Variants in MPP4 observed in about 807,000 individuals in gnomAD.
MPP4 encodes the protein MAGUK p55 scaffold protein 4, also known as MAGUK p55 subfamily member 4.
A neutral mutation model predicts 98.3 loss-of-function variants in MPP4; 91 were observed. The ratio of observed to expected loss-of-function variants is 0.93; its 90% confidence interval spans 0.78 to 1.10. The LOEUF (loss-of-function observed/expected upper bound fraction) is 1.10, where lower values mean the gene tolerates loss of function less well. Among genes scored for constraint, MPP4 ranks in the 50% least tolerant of loss-of-function variants. The pLI is 0.00. For missense variants in MPP4, 744 were observed against 792.9 expected (o/e 0.94, Z 0.74); for synonymous variants, 261 against 271.8 (o/e 0.96, Z 0.39).
At chr2:201,696,743 T>C (rs546357357) in intron 1 of MPP4, among the ~76,000 whole-genome samples, 1 of 152,326 alleles carries the variant, frequency 6.6e-6, no homozygotes, top group African/African-American at 2.4e-5. Context: ...TTAAAATAGC[T>C]TCTAATAAAT....
chr2:201,652,034 A>G (rs914076220), intron 18 of MPP4: 16 of 975,860 alleles, frequency 1.6e-5, no homozygotes, highest in Non-Finnish European at 1.9e-5. Flanking sequence ...TTTTCAGATT[A>G]ATGCACATTC....
At chr2:201,675,366 G>T in intron 10 of MPP4, 95 bp from the exon 11 acceptor site, 1 of 1,231,466 alleles carries the variant, frequency 8.1e-7, no homozygotes, top group Non-Finnish European at 1.2e-6. Flanking sequence ...CAAACAGAAT[G>T]TTTCTTAGAA....
intron 18 of MPP4, chr2:201,651,994 G>GA: frequency 1.0e-6 from 1 of 969,522 alleles, no homozygotes; most frequent in Non-Finnish European, 1.2e-6. Flanking sequence ...GAAAGAAAAG[G>GA]AAAATGTTGA....
intron 10 of MPP4, among the ~76,000 whole-genome samples, chr2:201,677,280 G>A (rs1057218729): frequency 1.3e-4 from 20 of 151,940 alleles, no homozygotes; most frequent in Non-Finnish European, 2.4e-4. Flanking sequence ...GTTCCCTCTG[G>A]GGGAAACTCC....
In MPP4 at chr2:201,682,864, C is replaced by A; in HGVS notation, c.627G>T (p.Glu209Asp). 1 of 1,613,974 alleles carries A rather than the reference C, an allele frequency of 6.2e-7. No individual in the cohort carries two copies. Among genetic ancestry groups the A allele is most frequent in the Non-Finnish European group, 8.5e-7 (1 of 1,179,888 alleles). Reference sequence around the variant, plus strand: ...GGATCACTTGTTCAGGGTCCAGTCCCTCAACTGAAACTCCATTCACTTCTA... The same window carrying A: ...GGATCACTTGTTCAGGGTCCAGTCCATCAACTGAAACTCCATTCACTTCTA... ...KLVEVNGVSVEGLDPEQVIHI... is the reference protein window; with the variant it reads ...KLVEVNGVSVDGLDPEQVIHI... Residue 209 changes from glutamate (E) to aspartate (D), a missense_variant, in exon 8 of 22, where the codon GAG (glutamate) becomes GAT (aspartate). Coordinates refer to ENST00000409474, the MANE Select transcript of MPP4 (RefSeq NM_033066.3).
At chr2:201,660,503 C>T (rs1345761001) in intron 14 of MPP4, among the ~76,000 whole-genome samples, 157 bp from the exon 15 acceptor site, 1 of 152,162 alleles carries the variant, frequency 6.6e-6, no homozygotes, top group East Asian at 1.9e-4. Flanking sequence ...CAAATGATCA[C>T]CACATGATTG....
chr2:201,650,496 A>G, intron 18 of MPP4: 6 of 985,444 alleles, frequency 6.1e-6, no homozygotes, highest in Non-Finnish European at 4.8e-6. Context: ...GAAAGCTCCC[A>G]GGTAGCAATA....
intron 8 of MPP4, 105 bp downstream of exon 8, chr2:201,682,726 C>G (rs974980218): frequency 4.3e-6 from 4 of 931,190 alleles, no homozygotes; most frequent in Admixed American, 2.1e-5. Flanking sequence ...GCCAAGAGAA[C>G]TTGAGTCCCC....
At chr2:201,686,823 TG>T (rs1688851621) in intron 5 of MPP4, among the ~76,000 whole-genome samples, 1 of 152,250 alleles carries the variant, frequency 6.6e-6, no homozygotes, top group South Asian at 2.1e-4. Flanking sequence ...GTCTCAAATC[TG>T]TAAGTACTAA....
At chr2:201,648,844 G>T (rs2105910245) in intron 20 of MPP4, among the ~76,000 whole-genome samples, 1 of 152,262 alleles carries the variant, frequency 6.6e-6, no homozygotes. Flanking sequence ...GATCACTTGA[G>T]CCCAGGAGTT....
intron 1 of MPP4, among the ~76,000 whole-genome samples, chr2:201,697,692 C>T (rs986492368): frequency 7.9e-5 from 12 of 152,190 alleles, no homozygotes; most frequent in African/African-American, 2.9e-4. Flanking sequence ...GCCCTCCCTT[C>T]CTTTCCTCCC....
chr2:201,690,310 A>G, intron 3 of MPP4, 31 bp from the exon 4 acceptor site: 1 of 1,427,240 alleles, frequency 7.0e-7, no homozygotes, highest in Non-Finnish European at 9.8e-7. Context: ...GAGAATTGAT[A>G]TTGATAATAT....
chr2:201,664,092 G>A lies in MPP4; in HGVS notation c.1061C>T (p.Thr354Ile). Residue 354 changes from threonine (T) to isoleucine (I), a missense_variant, in exon 14 of 22, where the codon ACA (threonine) becomes ATA (isoleucine). By Grantham distance (89) the Thr-to-Ile change is moderately conservative. Transcript: ENST00000409474. ...CATTTTTTACTTACCAGATTCAAAT[G>A]TTTCTTCATCTATGATTTTTCATGG... ...DEKCVEADEE[T>I]FESEELSEDK... 2 of 1,520,554 alleles carry A rather than the reference G, an allele frequency of 1.3e-6. No individual in the cohort carries two copies. Among genetic ancestry groups the A allele is most frequent in the Non-Finnish European group, 8.9e-7 (1 of 1,124,230 alleles). The allele number at this position is 1,520,554 out of a possible 1,614,324, so 94.2% of individuals were successfully genotyped here. A position where few individuals can be genotyped will look rare whatever the true frequency, so the allele number is the denominator to read the frequency against.
chr2:201,651,973 A>T (rs1444522037), intron 18 of MPP4: 34 of 754,482 alleles, frequency 4.5e-5, no homozygotes, highest in Non-Finnish European at 5.5e-5. Flanking sequence ...AAACAAACAG[A>T]AAAAAAAAAA....
chr2:201,654,078 G>A (rs1559597294), intron 18 of MPP4, among the ~76,000 whole-genome samples: 1 of 151,898 alleles, frequency 6.6e-6, no homozygotes, highest in Non-Finnish European at 1.5e-5. Flanking sequence ...CCAGGTTTAA[G>A]CGATTATCTG....
At chr2:201,652,965 G>A (rs1238190337) in intron 18 of MPP4, among the ~76,000 whole-genome samples, 1 of 152,106 alleles carries the variant, frequency 6.6e-6, no homozygotes, top group Non-Finnish European at 1.5e-5. Flanking sequence ...GGGTTATTTT[G>A]CAAACCCTAT....
At chr2:201,666,475 C>T (rs1688178145) in intron 12 of MPP4, 103 bp from the exon 13 acceptor site, 1 of 851,092 alleles carries the variant, frequency 1.2e-6, no homozygotes. Flanking sequence ...GATCCCAGCA[C>T]TCTGGGAGGC....
At chr2:201,689,353 G>C (rs963901859) in intron 4 of MPP4, among the ~76,000 whole-genome samples, 1 of 152,108 alleles carries the variant, frequency 6.6e-6, no homozygotes. Flanking sequence ...CAAAAAAAGA[G>C]CTTTGGTGTT....
intron 8 of MPP4, among the ~76,000 whole-genome samples, chr2:201,681,934 A>T (rs1222104336): frequency 6.6e-6 from 1 of 151,554 alleles, no homozygotes; most frequent in African/African-American, 2.4e-5. Flanking sequence ...TCCCTTACTC[A>T]GTAAGCATTT....
Sources: gnomAD v4.1 joint callset for allele counts (sites outside exome capture counted in the v4.1 genomes callset) on GRCh38, gnomAD v4.1.1 for gene constraint, MANE v1.5 for transcripts, NCBI Gene and HGNC (gene_info 2026-07-23, HGNC 2026-07-21) for gene names.